The following MAGI2 variants were observed in gnomAD, a reference collection of about 807,000 sequenced individuals.
The protein encoded by MAGI2 is membrane associated guanylate kinase, WW and PDZ domain containing 2.
In MAGI2, 35 loss-of-function variants were observed where a neutral mutation model predicts 133.3. The observed-to-expected ratio is 0.26, with a 90% confidence interval of 0.20 to 0.35. MAGI2 has a LOEUF of 0.35. MAGI2 is among the 10% of genes least tolerant of loss of function. The pLI, the probability that MAGI2 is intolerant of heterozygous loss-of-function variation, is 1.00. For missense variants in MAGI2, 1,636 were observed against 1,863.4 expected, an observed-to-expected ratio of 0.88 and a Z score of 2.25; for synonymous variants, 729 against 710.6, an observed-to-expected ratio of 1.03 and a Z score of -0.41.
chr7:78,264,305 A>C (rs1793792664), intron 9 of MAGI2, among the ~76,000 whole-genome samples: 1 of 152,158 alleles, frequency 6.6e-6, no homozygotes, highest in Admixed American at 6.6e-5. Flanking sequence ...GAGGAAGTGA[A>C]TCCAAGACTT....
intron 2 of MAGI2, among the ~76,000 whole-genome samples, chr7:78,716,999 G>A (rs973545698): frequency 6.6e-6 from 1 of 152,116 alleles, no homozygotes; most frequent in African/African-American, 2.4e-5. Context: ...GAAACATCTT[G>A]TGGGACAGGT....
At chr7:78,083,383 GGGGGGAGAGAGAGAGAGAGAGAGA>G (rs1816219963) in intron 20 of MAGI2, among the ~76,000 whole-genome samples, 65 of 76,462 alleles carry the variant, frequency 8.5e-4, no homozygotes, top group East Asian at 6.3e-3. Flanking sequence ...AGGGAGGGAG[GGGGGGAGAGAGAGAGAGAGAGAGA>G]GAGAGAGAGA....
At chr7:79,104,483 A>G (rs377085201) in intron 1 of MAGI2, among the ~76,000 whole-genome samples, 14 of 152,240 alleles carry the variant, frequency 9.2e-5, no homozygotes, top group African/African-American at 3.1e-4. Context: ...CCTAGCAAAC[A>G]TGGTAAAGCC....
At chr7:78,281,935 C>T (rs140719380) in intron 9 of MAGI2, among the ~76,000 whole-genome samples, 92 of 150,842 alleles carry the variant, frequency 6.1e-4, no homozygotes, top group African/African-American at 2.1e-3. Context: ...CCATATTTCT[C>T]CCATTCACTT....
chr7:78,858,721 A>G (rs1346585391), intron 2 of MAGI2, among the ~76,000 whole-genome samples: 1 of 152,186 alleles, frequency 6.6e-6, no homozygotes, highest in African/African-American at 2.4e-5. Context: ...AGAAGAATGT[A>G]TATTCTGTTA....
intron 6 of MAGI2, among the ~76,000 whole-genome samples, chr7:78,481,424 C>T (rs1792361515): frequency 6.6e-6 from 1 of 151,894 alleles, no homozygotes; most frequent in South Asian, 2.1e-4. Context: ...TCAGTCATTT[C>T]CCTCTCTTGA....
chr7:79,004,660 T>C (rs1370940719), intron 2 of MAGI2, among the ~76,000 whole-genome samples: 1 of 152,196 alleles, frequency 6.6e-6, no homozygotes, highest in Non-Finnish European at 1.5e-5. Flanking sequence ...ATACCTCAAA[T>C]ACCTTGACTT....
intron 21 of MAGI2, among the ~76,000 whole-genome samples, chr7:78,065,117 C>A (rs1185939748): frequency 2.0e-5 from 3 of 152,014 alleles, no homozygotes; most frequent in African/African-American, 7.2e-5. Flanking sequence ...TGGGAAATAC[C>A]CATGATGCCA....
At chr7:78,898,193 G>A (rs1289985349) in intron 2 of MAGI2, among the ~76,000 whole-genome samples, 1 of 149,460 alleles carries the variant, frequency 6.7e-6, no homozygotes, top group Admixed American at 6.8e-5. Flanking sequence ...ACAGATGCTG[G>A]TGAGGTGGCA....
At chr7:78,170,666 G>A (rs1375651029) in intron 14 of MAGI2, 1 of 152,056 alleles carries the variant, frequency 6.6e-6, no homozygotes, top group Non-Finnish European at 1.5e-5. Context: ...CAGTCATGTG[G>A]TCAAGGTAGT....
intron 6 of MAGI2, among the ~76,000 whole-genome samples, chr7:78,463,625 C>T (rs1229596055): frequency 6.6e-6 from 1 of 152,108 alleles, no homozygotes; most frequent in Non-Finnish European, 1.5e-5. Flanking sequence ...AGCAAAGATG[C>T]AAGAATAACA....
chr7:78,294,227 T>C (rs1340931403), intron 9 of MAGI2, among the ~76,000 whole-genome samples: 1 of 152,118 alleles, frequency 6.6e-6, no homozygotes, highest in Non-Finnish European at 1.5e-5. Flanking sequence ...ACTGTGCCAT[T>C]ATTGCTGAAT....
At chr7:78,887,310 C>T (rs909758804) in intron 2 of MAGI2, among the ~76,000 whole-genome samples, 4 of 152,152 alleles carry the variant, frequency 2.6e-5, no homozygotes, top group Non-Finnish European at 5.9e-5. Context: ...TCTTTTTATT[C>T]ATAGTTTAGG....
intron 6 of MAGI2, among the ~76,000 whole-genome samples, chr7:78,426,595 T>A (rs1799302512): frequency 6.6e-6 from 1 of 150,952 alleles, no homozygotes; most frequent in Admixed American, 6.6e-5. Context: ...ACCCTAAAAC[T>A]TAAAGTATAA....
intron 1 of MAGI2, among the ~76,000 whole-genome samples, chr7:79,390,288 G>C (rs1175852758): frequency 6.6e-6 from 1 of 151,984 alleles, no homozygotes; most frequent in African/African-American, 2.4e-5. Flanking sequence ...AAATCTTCAG[G>C]TACAGTATTA....
At chr7:78,491,217 T>C (rs1793571128) in intron 5 of MAGI2, among the ~76,000 whole-genome samples, 1 of 152,084 alleles carries the variant, frequency 6.6e-6, no homozygotes. Flanking sequence ...TCCTTCTTAA[T>C]GGAGGAACTT....
At chr7:78,860,873 G>T (rs1412120603) in intron 2 of MAGI2, among the ~76,000 whole-genome samples, 1 of 152,152 alleles carries the variant, frequency 6.6e-6, no homozygotes, top group Non-Finnish European at 1.5e-5. Context: ...AGGCCTCCTT[G>T]AGCTGCAGTG....
intron 12 of MAGI2, among the ~76,000 whole-genome samples, chr7:78,190,154 C>T (rs557953546): frequency 6.6e-6 from 1 of 152,074 alleles, no homozygotes; most frequent in Non-Finnish European, 1.5e-5. Context: ...TGTGGGAAAC[C>T]TTACTACCTA....
chr7:79,432,395 A>G (rs1847838301), intron 1 of MAGI2, among the ~76,000 whole-genome samples: 1 of 152,204 alleles, frequency 6.6e-6, no homozygotes, highest in Non-Finnish European at 1.5e-5. Flanking sequence ...GCAAAGTGTG[A>G]GAGAGTTCTT....
Sources: allele counts gnomAD v4.1 joint callset (sites outside exome capture counted in the v4.1 genomes callset), GRCh38; gene constraint gnomAD v4.1.1; transcripts MANE v1.5; gene names NCBI Gene and HGNC (gene_info 2026-07-23, HGNC 2026-07-21).